Variants in MMP24 observed in about 807,000 individuals in gnomAD.
MMP24 encodes matrix metallopeptidase 24, also known as matrix metalloproteinase-24.
MMP24 carries 25 observed loss-of-function variants against 62.8 expected under a neutral mutation model. That is an observed-to-expected ratio of 0.40 (90% confidence interval 0.29 to 0.56). The LOEUF (loss-of-function observed/expected upper bound fraction) is 0.56. MMP24 is among the 20% of genes least tolerant of loss of function. MMP24 has a pLI of 0.50. For missense variants in MMP24, 634 were observed against 853.6 expected, an observed-to-expected ratio of 0.74 and a Z score of 3.21; for synonymous variants, 319 against 350.5, an observed-to-expected ratio of 0.91 and a Z score of 1.00.
At position 35,254,753 on chromosome 20, in the gene MMP24, C is replaced by T. The variant is rs201524805; in HGVS notation, c.816C>T (p.Asp272=). 2.7e-4 allele frequency: 435 copies of T among 1,609,300 alleles called. 2 individuals are homozygous for T. Among genetic ancestry groups the T allele is most frequent in the Middle Eastern group, 2.7e-3 (16 of 6,022 alleles). Residue 272 remains aspartate (D), a splice_region_variant and synonymous_variant, in exon 4 of 9, where the codon GAC becomes GAT. Coordinates refer to ENST00000246186, the MANE Select transcript of MMP24 (RefSeq NM_006690.4). The part of the protein sequence containing the change: ...EPWTLGNANH[D]GNDLFLVAVH... Reference sequence around the variant, plus strand: ...GGACGCTAGGAAATGCCAACCATGACGGTAAGGCCATGAGGGGACAGGGGT... The same window carrying T: ...GGACGCTAGGAAATGCCAACCATGATGGTAAGGCCATGAGGGGACAGGGGT...
At chr20:35,236,476 T>G (rs991296972) in intron 1 of MMP24, among the ~76,000 whole-genome samples, 1 of 152,194 alleles carries the variant, frequency 6.6e-6, no homozygotes, top group Admixed American at 6.5e-5. Flanking sequence ...TACGAATTAG[T>G]TATATAACTC....
intron 3 of MMP24, 87 bp downstream of exon 3, chr20:35,252,108 A>AG (rs1263956098): frequency 3.4e-5 from 37 of 1,100,426 alleles, no homozygotes; most frequent in African/African-American, 3.1e-5. Context: ...CTCACAATGT[A>AG]GGGGGGCCTG....
chr20:35,252,391 G>A (rs2060552074), intron 3 of MMP24, among the ~76,000 whole-genome samples: 1 of 152,134 alleles, frequency 6.6e-6, no homozygotes, highest in South Asian at 2.1e-4. Context: ...CTGCACTCCA[G>A]CCTGCGTGAC....
Position 35,263,868 on chromosome 20 carries a change from A to G in MMP24, c.895A>G (p.Ile299Val). 1 of 1,612,946 alleles carries G rather than the reference A, an allele frequency of 6.2e-7. No homozygotes were observed. The highest frequency in any genetic ancestry group is 2.2e-5 in the East Asian group (1 of 44,810). The change falls in exon 5 of 9, where the codon ATC becomes GTC. Residue 299 changes from isoleucine (I) to valine (V), a missense_variant. Transcript: ENST00000246186. ...GGAGCACTCCAGCGACCCCAGCGCC[A>G]TCATGGCGCCCTTCTACCAGTACAT... is the stretch of plus-strand genomic sequence containing the variant. ...GLEHSSDPSA[I>V]MAPFYQYMET...
chr20:35,264,110 C>T, intron 5 of MMP24, 158 bp downstream of exon 5: 1 of 847,158 alleles, frequency 1.2e-6, no homozygotes, highest in Non-Finnish European at 1.7e-6. Context: ...ATGGCTTTGC[C>T]TGGCCAGAGG....
chr20:35,236,967 C>T (rs1039087135), intron 1 of MMP24, among the ~76,000 whole-genome samples: 1 of 130,038 alleles, frequency 7.7e-6, no homozygotes, highest in South Asian at 2.5e-4. Context: ...GAGCGAGACA[C>T]CATCTCAAAA....
rs1408631218 is a variant in MMP24 at position 35,226,832 on chromosome 20, C to T, written c.94C>T (p.Pro32Ser). 7 of 956,908 alleles carry T rather than the reference C, an allele frequency of 7.3e-6. No homozygotes were observed. Among genetic ancestry groups the T allele is most frequent in the East Asian group, 2.4e-4 (2 of 8,194 alleles). 59.3% of individuals were successfully genotyped at this position (956,908 alleles called of 1,614,324 possible). A position where few individuals can be genotyped will look rare whatever the true frequency, so the allele number is the denominator to read the frequency against. ...CCCGCGCTGGAGCCGCTGGCGGGTC[C>T]CTGGGCGGCTGCTGCTGCTGCTGCT... Reference protein sequence around the residue: ...QAPRWSRWRVPGRLLLLLLPA... With the variant: ...QAPRWSRWRVSGRLLLLLLPA... Residue 32 changes from proline (P) to serine (S), a missense_variant, in exon 1 of 9, where the codon CCT (proline) becomes TCT (serine). This residue lies in a region of MMP24 where 212 missense variants were observed against 259.6 expected (regional missense o/e 0.82). Transcript: ENST00000246186.
chr20:35,238,163 G>A (rs2060472702), intron 1 of MMP24, among the ~76,000 whole-genome samples: 1 of 152,144 alleles, frequency 6.6e-6, no homozygotes, highest in Admixed American at 6.5e-5. Flanking sequence ...AGAGAGCAGA[G>A]GCTGGCTACT....
intron 1 of MMP24, among the ~76,000 whole-genome samples, chr20:35,233,452 C>T (rs886080938): frequency 6.6e-6 from 1 of 152,156 alleles, no homozygotes; most frequent in African/African-American, 2.4e-5. Context: ...TCAGTTATAT[C>T]TGAAGCCTAT....
intron 7 of MMP24, among the ~76,000 whole-genome samples, chr20:35,270,458 G>A (rs1309343331): frequency 6.6e-6 from 1 of 152,254 alleles, no homozygotes; most frequent in Non-Finnish European, 1.5e-5. Flanking sequence ...CCCCGCCTTG[G>A]AAAGCTGTGA....
chr20:35,227,164 T>TCGCCGAGGGC (rs1431475936), intron 1 of MMP24, among the ~76,000 whole-genome samples, 180 bp downstream of exon 1: 1 of 149,170 alleles, frequency 6.7e-6, no homozygotes, highest in East Asian at 2.0e-4. Context: ...GGGGAGGGCC[T>TCGCCGAGGGC]CGCCGAGGGC....
At chr20:35,227,710 G>C (rs549337587) in intron 1 of MMP24, among the ~76,000 whole-genome samples, 27 of 152,240 alleles carry the variant, frequency 1.8e-4, no homozygotes, top group African/African-American at 3.1e-4. Context: ...AGCATTTACT[G>C]AACACTCACT....
intron 5 of MMP24, 133 bp downstream of exon 5, chr20:35,264,085 C>T: frequency 9.8e-7 from 1 of 1,017,516 alleles, no homozygotes; most frequent in Admixed American, 3.5e-5. Flanking sequence ...TGTGTGTGAC[C>T]TTTACAGACT....
rs1019691193 is a variant in MMP24 at position 35,267,195 on chromosome 20, C to G, written c.980-10C>G. 5 of 1,574,424 alleles carry G rather than the reference C, an allele frequency of 3.2e-6. No homozygotes were observed. The South Asian group carries it at 3.5e-5, about 11-fold the overall frequency. On this transcript the variant is annotated splice_polypyrimidine_tract_variant and intron_variant, in intron 5 of 8. Transcript: ENST00000246186. Reference sequence around the variant, plus strand: ...CTGCCCCCTCTCTAAGATGCAGCTCCTCTCTCCAGGACCCCCAGCCGAGCC... The same window carrying G: ...CTGCCCCCTCTCTAAGATGCAGCTCGTCTCTCCAGGACCCCCAGCCGAGCC...
chr20:35,261,975 T>C (rs2060605837), intron 4 of MMP24, among the ~76,000 whole-genome samples: 2 of 151,848 alleles, frequency 1.3e-5, no homozygotes, highest in South Asian at 4.2e-4. Context: ...TAATTTTTGG[T>C]ATTTTTAGTA....
chr20:35,261,235 T>G (rs748786479), intron 4 of MMP24, among the ~76,000 whole-genome samples: 12 of 152,002 alleles, frequency 7.9e-5, no homozygotes, highest in Admixed American at 5.2e-4. Flanking sequence ...CCCAGGGGAG[T>G]TGGCTTTCAG....
intron 8 of MMP24, among the ~76,000 whole-genome samples, chr20:35,273,124 C>T (rs986185710): frequency 6.6e-6 from 1 of 151,922 alleles, no homozygotes; most frequent in African/African-American, 2.4e-5. Flanking sequence ...GCAACAGACG[C>T]TATAAGGGAA....
intron 4 of MMP24, among the ~76,000 whole-genome samples, chr20:35,257,098 TGTCTATAGTTGGG>T (rs1215626535): frequency 6.6e-6 from 1 of 152,078 alleles, no homozygotes; most frequent in Non-Finnish European, 1.5e-5. Context: ...CCATGTTTGG[TGTCTATAGTTGGG>T]GATCACCTCC....
intron 1 of MMP24, among the ~76,000 whole-genome samples, chr20:35,239,196 G>T (rs758408221): frequency 6.6e-6 from 1 of 151,940 alleles, no homozygotes; most frequent in Non-Finnish European, 1.5e-5. Flanking sequence ...ACAGGCGCAC[G>T]CCCGGCTAAT....
Sources: allele counts gnomAD v4.1 joint callset (sites outside exome capture counted in the v4.1 genomes callset), GRCh38; gene constraint gnomAD v4.1.1; regional missense constraint gnomAD v4.1.1; transcripts MANE v1.5; gene names NCBI Gene and HGNC (gene_info 2026-07-23, HGNC 2026-07-21).